Variants in LIPC observed in about 807,000 individuals in gnomAD.
LIPC encodes the protein lipase C, hepatic type, also known as hepatic triacylglycerol lipase.
Under a neutral mutation model 50.7 loss-of-function variants are expected in LIPC, and 44 were observed. The observed-to-expected ratio is 0.87, with a 90% CI of 0.68 to 1.11. The LOEUF (loss-of-function observed/expected upper bound fraction) is 1.11, where lower values mean the gene tolerates loss of function less well. LIPC is among the 50% of genes most tolerant of loss of function. The pLI is 0.00. For synonymous variants in LIPC, 271 were observed against 256.4 expected (o/e 1.06, Z -0.54); for missense variants, 697 against 648.2 (o/e 1.08, Z -0.82).
intron 1 of LIPC, among the ~76,000 whole-genome samples, chr15:58,530,022 G>A (rs143204788): frequency 6.6e-4 from 101 of 152,346 alleles, no homozygotes; most frequent in East Asian, 2.3e-3. Context: ...GTGGTAAAAC[G>A]GATTCTCGCC....
At chr15:58,500,359 G>C (rs767408124) in intron 1 of LIPC, among the ~76,000 whole-genome samples, 5 of 152,150 alleles carry the variant, frequency 3.3e-5, no homozygotes, top group Non-Finnish European at 5.9e-5. Flanking sequence ...GTTGGAATCA[G>C]GTGACTCTAG....
intron 1 of LIPC, among the ~76,000 whole-genome samples, chr15:58,469,349 AG>A (rs1435710975): frequency 6.6e-6 from 1 of 152,202 alleles, no homozygotes; most frequent in Non-Finnish European, 1.5e-5. Flanking sequence ...CTCTCAGCTC[AG>A]CTCTTGGCCC....
intron 7 of LIPC, among the ~76,000 whole-genome samples, chr15:58,562,230 G>C (rs1426490967): frequency 6.6e-6 from 1 of 152,124 alleles, no homozygotes; most frequent in African/African-American, 2.4e-5. Context: ...TCCCTCCTCA[G>C]CCTCTCCAGC....
rs184730758 is a variant in LIPC, at chr15:58,557,575, C to T, written c.1052-3289C>T. Reference sequence around the variant, plus strand: ...AATTTTTTGTATTTTTAGTAGAGAACGGGGTTTCACCGTGTTAGCCAGGAT... The same window carrying T: ...AATTTTTTGTATTTTTAGTAGAGAATGGGGTTTCACCGTGTTAGCCAGGAT... On this transcript the variant is annotated intron_variant, in intron 6 of 8. Coordinates refer to ENST00000299022, the MANE Select transcript of LIPC (RefSeq NM_000236.3). Among the ~76,000 whole-genome samples, 15 of 151,848 alleles carry T rather than the reference C, an allele frequency of 9.9e-5. No homozygotes were observed. In the East Asian group the frequency reaches 2.5e-3, roughly 26 times the overall value.
chr15:58,465,769 ATCACCGG>A (rs1445720867), intron 1 of LIPC, among the ~76,000 whole-genome samples: 1 of 152,198 alleles, frequency 6.6e-6, no homozygotes, highest in Non-Finnish European at 1.5e-5. Flanking sequence ...GAGGGCAGTC[ATCACCGG>A]TCCCACACTA....
rs1893519074 is a variant in LIPC at position 58,546,050 on chromosome 15, A to C, written c.808+75A>C. On this transcript the variant is annotated intron_variant, in intron 5 of 8. Coordinates refer to ENST00000299022, the MANE Select transcript of LIPC (RefSeq NM_000236.3). ...CCTCTGGAATTCAGCGGAATCTACC[A>C]ACATACGGGACTCAGGGAAGAGTTC... 14 of 1,239,682 alleles carry C rather than the reference A, an allele frequency of 1.1e-5. No homozygotes were observed. In the South Asian group the frequency reaches 1.7e-4, roughly 15 times the overall value. The allele number at this position is 1,239,682 out of a possible 1,614,324, so 76.8% of individuals were successfully genotyped here.
intron 1 of LIPC, among the ~76,000 whole-genome samples, chr15:58,452,336 T>C (rs1893932329): frequency 6.6e-6 from 1 of 152,234 alleles, no homozygotes; most frequent in East Asian, 1.9e-4. Context: ...CGTCTGCCTA[T>C]AAATGTATTT....
intron 1 of LIPC, among the ~76,000 whole-genome samples, chr15:58,483,032 T>C (rs534944625): frequency 1.3e-5 from 2 of 152,310 alleles, no homozygotes; most frequent in African/African-American, 4.8e-5. Flanking sequence ...GCTGAGTCTC[T>C]AGACAGAGAG....
Position 58,503,423 on chromosome 15 carries a change from G to A in LIPC, c.89-34910G>A, listed in dbSNP as rs7164066. On this transcript the variant is annotated intron_variant, in intron 1 of 8. Transcript: ENST00000299022. ...ATTTGTGAAAGGCTTTAGGGGCAGC[G>A]CCAGCCTCTGGATAACAGGGACCCT... is the stretch of plus-strand genomic sequence containing the variant. Among the ~76,000 whole-genome samples, 1,238 of 152,280 alleles carry A rather than the reference G, an allele frequency of 8.1e-3. 14 individuals are homozygous for A. Among genetic ancestry groups the A allele is most frequent in the African/African-American group, 0.027 (1,129 of 41,544 alleles).
rs1894139014 is a variant in LIPC at position 58,560,933 on chromosome 15, T to C, written c.1121T>C (p.Met374Thr). The C allele has an allele frequency of 8.3e-6, 13 of 1,572,780 alleles. No individual in the cohort carries two copies. The highest frequency in any genetic ancestry group is 9.6e-6 in the Non-Finnish European group (11 of 1,142,284). The part of the protein sequence containing the change: ...TETPIQTTFT[M>T]SLLGTKEKMQ... ...ACACCAATACAAACAACTTTTACCA[T>C]GTCACTACTCGGAACAAAAGAGAAA... The change falls in exon 7 of 9, where the codon ATG (methionine) becomes ACG (threonine). Residue 374 changes from methionine (M) to threonine (T), a missense_variant. Coordinates refer to ENST00000299022, the MANE Select transcript of LIPC (RefSeq NM_000236.3).
intron 1 of LIPC, chr15:58,494,780 C>T (rs1891710013): frequency 2.2e-6 from 1 of 456,142 alleles, no homozygotes; most frequent in African/African-American, 2.0e-5. Context: ...TACCTGAATG[C>T]ACATAAGGAA....
chr15:58,535,332 T>A (rs1391869989), intron 1 of LIPC, among the ~76,000 whole-genome samples: 2 of 152,188 alleles, frequency 1.3e-5, no homozygotes, highest in African/African-American at 4.8e-5. Context: ...AATAAGTGTT[T>A]GTTGAGGAAG....
chr15:58,489,326 G>A (rs969374379), intron 1 of LIPC, among the ~76,000 whole-genome samples: 2 of 148,768 alleles, frequency 1.3e-5, no homozygotes. Flanking sequence ...GACAAAACCA[G>A]TTCACCAAGA....
chr15:58,546,376 G>A (rs2242063), intron 5 of LIPC, among the ~76,000 whole-genome samples: 23,647 of 152,156 alleles, frequency 0.16, 2,085 homozygotes, highest in South Asian at 0.3. Flanking sequence ...TGAACCACAT[G>A]AGGATCCACT....
At chr15:58,535,329 G>A (rs1290086528) in intron 1 of LIPC, among the ~76,000 whole-genome samples, 1 of 152,204 alleles carries the variant, frequency 6.6e-6, no homozygotes, top group African/African-American at 2.4e-5. Context: ...CTTAATAAGT[G>A]TTTGTTGAGG....
intron 6 of LIPC, among the ~76,000 whole-genome samples, chr15:58,551,558 T>G (rs1476316582): frequency 1.3e-5 from 2 of 152,110 alleles, no homozygotes; most frequent in African/African-American, 4.8e-5. Context: ...CTGGTGATGC[T>G]GGGATGAAGA....
At chr15:58,458,265 T>G (rs1484614385) in intron 1 of LIPC, among the ~76,000 whole-genome samples, 5 of 152,202 alleles carry the variant, frequency 3.3e-5, no homozygotes, top group Admixed American at 3.3e-4. Flanking sequence ...TTCCTAAATG[T>G]GAAGTTCACA....
intron 1 of LIPC, among the ~76,000 whole-genome samples, chr15:58,479,049 T>C (rs1891098075): frequency 6.6e-6 from 1 of 152,216 alleles, no homozygotes; most frequent in Non-Finnish European, 1.5e-5. Context: ...TAGAAGACAG[T>C]CTTCTATCGA....
At chr15:58,462,508 G>C (rs1894389475) in intron 1 of LIPC, among the ~76,000 whole-genome samples, 2 of 152,266 alleles carry the variant, frequency 1.3e-5, no homozygotes, top group South Asian at 2.1e-4. Flanking sequence ...AATTGGTTTA[G>C]ATACTCACAC....
Sources: allele counts gnomAD v4.1 joint callset (sites outside exome capture counted in the v4.1 genomes callset), GRCh38; gene constraint gnomAD v4.1.1; transcripts MANE v1.5; gene names NCBI Gene and HGNC (gene_info 2026-07-23, HGNC 2026-07-21).